DCC: variants seen among roughly 807,000 people sequenced by gnomAD.
DCC encodes netrin receptor DCC.
Under a neutral mutation model 172.5 loss-of-function variants are expected in DCC, and 58 were observed. The ratio of observed to expected loss-of-function variants is 0.34; its 90% CI spans 0.27 to 0.42. The LOEUF is 0.42. Among genes scored for constraint, DCC ranks in the 10% least tolerant of loss-of-function variants. DCC has a pLI of 1.00. For synonymous variants in DCC, 709 were observed against 644.5 expected (o/e 1.10, Z -1.52); for missense variants, 1,740 against 1,791.0 (o/e 0.97, Z 0.51).
In DCC at chr18:53,309,946, A is replaced by ATACGTG. The variant is rs71175575; in HGVS notation, c.2053+4228_2053+4229insACGTGT. Reference sequence around the variant, plus strand: ...TGTATATATATATATATATATATACATGTATATATACGTGTGTGTATATAT... The same window carrying ATACGTG: ...TGTATATATATATATATATATATACATACGTGTGTATATATACGTGTGTGTATATAT... On this transcript the variant is annotated intron_variant, in intron 13 of 28. Coordinates refer to ENST00000442544, the MANE Select transcript of DCC (RefSeq NM_005215.4). Among the ~76,000 whole-genome samples the ATACGTG allele has an allele frequency of 5.8e-5, 8 of 138,226 alleles. No homozygotes were observed. In the East Asian group the frequency reaches 1.3e-3, roughly 23 times the overall value. The allele number at this position is 138,226 out of a possible 152,430, so 90.7% of individuals were successfully genotyped here.
rs1555675962 is a variant in DCC, at chr18:53,468,363, T to TTTATTTATTTATTTATTTTA, written c.3736+355_3736+356insATTTATTTATTTATTTTATT. Among the ~76,000 whole-genome samples the TTTATTTATTTATTTATTTTA allele has an allele frequency of 3.5e-3, 193 of 54,724 alleles. 1 individual carries two copies. The highest frequency in any genetic ancestry group is 7.4e-3 in the African/African-American group (174 of 23,456). The allele number at this position is 54,724 out of a possible 152,430, so 35.9% of individuals were successfully genotyped here. On this transcript the variant is annotated intron_variant, in intron 25 of 28. Coordinates refer to ENST00000442544, the MANE Select transcript of DCC (RefSeq NM_005215.4). Reference sequence around the variant, plus strand: ...TTATTTTTATTTATTTATTTATTTATTTTATTTATTTATTTATTTTATTTA... The same window carrying TTTATTTATTTATTTATTTTA: ...TTATTTTTATTTATTTATTTATTTATTTATTTATTTATTTATTTTATTTATTTATTTATTTATTTTATTTA...
At chr18:53,083,264 T>C (rs1350746640) in intron 7 of DCC, among the ~76,000 whole-genome samples, 1 of 152,162 alleles carries the variant, frequency 6.6e-6, no homozygotes, top group African/African-American at 2.4e-5. Flanking sequence ...AGATTCTATA[T>C]ATTGTTGCCA....
chr18:52,950,122 T>G (rs943860545), intron 5 of DCC, among the ~76,000 whole-genome samples: 1 of 152,218 alleles, frequency 6.6e-6, no homozygotes, highest in African/African-American at 2.4e-5. Flanking sequence ...ATTATCTTCC[T>G]GATAATCTAC....
intron 5 of DCC, among the ~76,000 whole-genome samples, chr18:53,007,495 G>A (rs922625076): frequency 6.6e-6 from 1 of 151,948 alleles, no homozygotes; most frequent in African/African-American, 2.4e-5. Context: ...TATTAAGGAG[G>A]GAAACCTAAT....
Position 52,879,411 on chromosome 18 carries a change from G to GTTTTTT in DCC, c.413-26633_413-26632insTTTTTT, listed in dbSNP as rs1568164319. ...AAATTTCTAGCCCATATGTTGTTTGGCTTTTTTTTTTTTTTTTTTTTTTTT... is the reference window on the plus strand; with the variant it reads ...AAATTTCTAGCCCATATGTTGTTTGGTTTTTTCTTTTTTTTTTTTTTTTTTTTTTTT... On this transcript the variant is annotated intron_variant, in intron 2 of 28. Coordinates refer to ENST00000442544, the MANE Select transcript of DCC (RefSeq NM_005215.4). Among the ~76,000 whole-genome samples the GTTTTTT allele has an allele frequency of 5.8e-4, 26 of 44,966 alleles. 1 individual carries two copies. Among genetic ancestry groups the GTTTTTT allele is most frequent in the African/African-American group, 2.1e-3 (26 of 12,272 alleles). 29.5% of individuals were successfully genotyped at this position (44,966 alleles called of 152,430 possible). A position where few individuals can be genotyped will look rare whatever the true frequency, so the allele number is the denominator to read the frequency against.
chr18:52,432,202 T>A (rs1355441510), intron 1 of DCC, among the ~76,000 whole-genome samples: 1 of 151,988 alleles, frequency 6.6e-6, no homozygotes, highest in South Asian at 2.1e-4. Context: ...GTGTTGCACG[T>A]GTCTTGTTGG....
chr18:53,180,534 CT>C (rs2055178323), intron 9 of DCC, among the ~76,000 whole-genome samples: 1 of 152,186 alleles, frequency 6.6e-6, no homozygotes, highest in African/African-American at 2.4e-5. Context: ...CAACTTCACC[CT>C]TTGCTGCCTA....
intron 7 of DCC, among the ~76,000 whole-genome samples, chr18:53,087,366 C>T (rs62099178): frequency 0.68 from 102,307 of 150,640 alleles, 36,343 homozygotes; most frequent in African/African-American, 0.87. Flanking sequence ...TGGTGAGCAC[C>T]TTTTCATGTG....
intron 8 of DCC, among the ~76,000 whole-genome samples, chr18:53,176,595 T>C (rs1374928294): frequency 1.3e-5 from 2 of 152,162 alleles, no homozygotes; most frequent in African/African-American, 2.4e-5. Context: ...TCATCACTGG[T>C]CATCAGGGAA....
At chr18:52,974,480 G>C (rs950759243) in intron 5 of DCC, among the ~76,000 whole-genome samples, 1 of 152,218 alleles carries the variant, frequency 6.6e-6, no homozygotes, top group Non-Finnish European at 1.5e-5. Flanking sequence ...GTTAATAAAT[G>C]CCAGAGGACT....
intron 12 of DCC, among the ~76,000 whole-genome samples, chr18:53,242,767 A>G (rs2056315762): frequency 6.6e-6 from 1 of 152,164 alleles, no homozygotes; most frequent in African/African-American, 2.4e-5. Context: ...AAAATGTGCC[A>G]GTATCACATT....
intron 10 of DCC, among the ~76,000 whole-genome samples, chr18:53,206,121 G>A (rs1158248723): frequency 1.4e-3 from 1 of 718 alleles, no homozygotes; most frequent in Non-Finnish European, 3.1e-3. Context: ...ACATATATAA[G>A]CATAATACAT....
Position 53,086,292 on chromosome 18 carries a change from T to C in DCC, c.1261+20126T>C, listed in dbSNP as rs1299059198. 7.3e-5 allele frequency among the ~76,000 whole-genome samples: 3 copies of C among 40,946 alleles called. 1 individual carries two copies. Among genetic ancestry groups the C allele is most frequent in the South Asian group, 4.6e-4 (1 of 2,196 alleles). 26.9% of individuals were successfully genotyped at this position (40,946 alleles called of 152,430 possible). A position where few individuals can be genotyped will look rare whatever the true frequency, so the allele number is the denominator to read the frequency against. On this transcript the variant is annotated intron_variant, in intron 7 of 28. Coordinates refer to ENST00000442544, the MANE Select transcript of DCC (RefSeq NM_005215.4). ...TCTTCTTCCTTTCTTCTTCTTCTTC[T>C]TCTTCCTTTCTTCTTCTTCTTCTTC...
chr18:53,113,489 G>A (rs1392375801), intron 7 of DCC, among the ~76,000 whole-genome samples: 1 of 151,190 alleles, frequency 6.6e-6, no homozygotes. Flanking sequence ...TAAAAAAACA[G>A]ATTCTATTTT....
At chr18:52,444,091 A>AG (rs1988050945) in intron 1 of DCC, among the ~76,000 whole-genome samples, 1 of 152,194 alleles carries the variant, frequency 6.6e-6, no homozygotes, top group African/African-American at 2.4e-5. Flanking sequence ...CATTTAACCA[A>AG]GGGGGAGACT....
At chr18:53,237,861 G>C (rs2056229354) in intron 12 of DCC, among the ~76,000 whole-genome samples, 1 of 152,110 alleles carries the variant, frequency 6.6e-6, no homozygotes, top group Non-Finnish European at 1.5e-5. Context: ...TTATGTGTTA[G>C]TCACAAAATC....
At chr18:53,243,193 G>A (rs559814660) in intron 12 of DCC, among the ~76,000 whole-genome samples, 123 of 152,184 alleles carry the variant, frequency 8.1e-4, no homozygotes, top group South Asian at 1.7e-3. Flanking sequence ...TCAAGGAGTC[G>A]GGTCCTCATT....
At chr18:53,067,175 G>T (rs1367212995) in intron 7 of DCC, among the ~76,000 whole-genome samples, 1 of 152,114 alleles carries the variant, frequency 6.6e-6, no homozygotes. Flanking sequence ...TGCAAAAAAT[G>T]TCATTTTGTT....
At chr18:52,440,839 G>A (rs893182925) in intron 1 of DCC, among the ~76,000 whole-genome samples, 1 of 152,158 alleles carries the variant, frequency 6.6e-6, no homozygotes, top group Admixed American at 6.5e-5. Flanking sequence ...GAAGTTCATT[G>A]AGGGCATAGA....
Sources: allele counts gnomAD v4.1 joint callset (sites outside exome capture counted in the v4.1 genomes callset), GRCh38; gene constraint gnomAD v4.1.1; transcripts MANE v1.5; gene names NCBI Gene and HGNC (gene_info 2026-07-23, HGNC 2026-07-21).